UBAC2: variants seen among roughly 807,000 people sequenced by gnomAD.
UBAC2 encodes ubiquitin-associated domain-containing protein 2.
In UBAC2, 26 loss-of-function variants were observed where a neutral mutation model predicts 44.0. The observed-to-expected ratio is 0.59, with a 90% CI of 0.43 to 0.82. UBAC2 has a LOEUF of 0.82. Ranked by LOEUF, UBAC2 falls within the 40% of genes least tolerant of loss-of-function variation. The pLI, the probability that UBAC2 is intolerant of heterozygous loss-of-function variation, is 0.00. For synonymous variants in UBAC2, 155 were observed against 154.3 expected, an observed-to-expected ratio of 1.00 and a Z score of -0.04; for missense variants, 329 against 419.4, an observed-to-expected ratio of 0.78 and a Z score of 1.88.
At chr13:99,284,934 T>A (rs2043999019) in intron 4 of UBAC2, among the ~76,000 whole-genome samples, 1 of 152,122 alleles carries the variant, frequency 6.6e-6, no homozygotes, top group South Asian at 2.1e-4. Context: ...AAAATTTCAG[T>A]GACACAAGCA....
Position 99,244,566 on chromosome 13 carries a change from A to G in UBAC2, c.331A>G (p.Ile111Val). Residue 111 changes from isoleucine (I) to valine (V), a missense_variant, in exon 4 of 9, where the codon ATT (isoleucine) becomes GTT (valine). Physicochemically the swap from Ile to Val is conservative, Grantham distance 29. Coordinates refer to ENST00000403766, the MANE Select transcript of UBAC2 (RefSeq NM_001144072.2). ...VLSALFDFLL[I>V]EAMQYFFGIT... is the part of the protein sequence containing the mutation. ...GTCAGCCTTATTTGACTTTCTCCTC[A>G]TTGAAGCTATGCAGTATTTCTTTGG... 6.2e-7 allele frequency: 1 copy of G among 1,613,290 alleles called. No homozygotes were observed. The highest frequency in any genetic ancestry group is 8.5e-7 in the Non-Finnish European group (1 of 1,179,558).
intron 4 of UBAC2, among the ~76,000 whole-genome samples, chr13:99,310,208 T>TC (rs1371018282): frequency 6.6e-6 from 1 of 152,124 alleles, no homozygotes; most frequent in African/African-American, 2.4e-5. Context: ...ACACCAGTAG[T>TC]CCCTGTTACT....
chr13:99,359,769 C>T (rs2045239622), intron 7 of UBAC2, among the ~76,000 whole-genome samples: 2 of 152,198 alleles, frequency 1.3e-5, no homozygotes, highest in Non-Finnish European at 2.9e-5. Flanking sequence ...CTTGTGTGGG[C>T]CCTGCCTCGC....
intron 1 of UBAC2, 189 bp downstream of exon 1, chr13:99,201,128 A>C (rs2042790789): frequency 7.4e-7 from 1 of 1,351,864 alleles, no homozygotes; most frequent in African/African-American, 1.5e-5. Context: ...TTCGGCCTGG[A>C]GGGGCGAATG....
intron 7 of UBAC2, among the ~76,000 whole-genome samples, chr13:99,346,464 CT>C (rs1566513887): frequency 6.6e-6 from 1 of 152,248 alleles, no homozygotes; most frequent in Non-Finnish European, 1.5e-5. Flanking sequence ...GCCGCATCTC[CT>C]TTCTGCTGCC....
intron 1 of UBAC2, chr13:99,231,406 ATTTTTTTTTTTT>A (rs34600991): frequency 2.8e-5 from 2 of 71,956 alleles, no homozygotes; most frequent in Non-Finnish European, 5.1e-5. Flanking sequence ...TGCTGTATAC[ATTTTTTTTTTTT>A]TTTTTTTTTT....
intron 4 of UBAC2, among the ~76,000 whole-genome samples, chr13:99,247,190 CTACTG>C (rs1429079899): frequency 8.9e-6 from 1 of 112,946 alleles, no homozygotes; most frequent in African/African-American, 3.6e-5. Context: ...AGAGAGAAAA[CTACTG>C]TTTTTTTTTT....
At chr13:99,280,876 C>T (rs1361081960) in intron 4 of UBAC2, among the ~76,000 whole-genome samples, 1 of 151,466 alleles carries the variant, frequency 6.6e-6, no homozygotes, top group Non-Finnish European at 1.5e-5. Flanking sequence ...TAAGCTACCT[C>T]AAATCTGTTA....
At chr13:99,333,613 A>T (rs1339921856) in intron 6 of UBAC2, among the ~76,000 whole-genome samples, 1 of 152,264 alleles carries the variant, frequency 6.6e-6, no homozygotes, top group Admixed American at 6.5e-5. Context: ...TAGATGGGAT[A>T]GAAATGTAAG....
chr13:99,243,035 C>G (rs1446443510), intron 2 of UBAC2, among the ~76,000 whole-genome samples: 6 of 151,904 alleles, frequency 3.9e-5, no homozygotes, highest in Non-Finnish European at 7.4e-5. Flanking sequence ...GACTGGGCAG[C>G]CAGCAAAATT....
Position 99,243,113 on chromosome 13 carries a change from C to G in UBAC2, c.160-719C>G, listed in dbSNP as rs2043339096. On this transcript the variant is annotated intron_variant, in intron 2 of 8. Coordinates refer to ENST00000403766, the MANE Select transcript of UBAC2 (RefSeq NM_001144072.2). ...AAGTTGGAATTAATATTTGTTTTAC[C>G]TATCTCATAAGGTCATTGTGAAGGG... 1.3e-5 allele frequency among the ~76,000 whole-genome samples: 2 copies of G among 151,972 alleles called. 1 individual carries two copies. The highest frequency in any genetic ancestry group is 4.2e-4 in the South Asian group (2 of 4,816).
rs11551502 is a variant in UBAC2, at chr13:99,386,139, G to A, written c.*804G>A. The A allele has an allele frequency of 0.011, 1,748 of 152,380 alleles. 13 individuals are homozygous for A. Among genetic ancestry groups the A allele is most frequent in the Non-Finnish European group, 0.019 (1,263 of 68,078 alleles). The allele number at this position is 152,380 out of a possible 1,614,324, so 9.4% of individuals were successfully genotyped here. A position where few individuals can be genotyped will look rare whatever the true frequency, so the allele number is the denominator to read the frequency against. On this transcript the variant is annotated 3_prime_UTR_variant, in exon 9 of 9. Coordinates refer to ENST00000403766, the MANE Select transcript of UBAC2 (RefSeq NM_001144072.2). ...CTTGCCTGCCCCTCCCTGTGGCAGG[G>A]CTAACTGCCTGGCCCTCCTGGCTCG...
chr13:99,321,475 C>CT (rs2044568037), intron 6 of UBAC2, among the ~76,000 whole-genome samples: 1 of 152,098 alleles, frequency 6.6e-6, no homozygotes, highest in Admixed American at 6.5e-5. Context: ...AGCCCGGCTA[C>CT]TTTTTTTGTA....
At chr13:99,236,794 G>A (rs762182992) in intron 1 of UBAC2, among the ~76,000 whole-genome samples, 49 of 152,094 alleles carry the variant, frequency 3.2e-4, no homozygotes, top group Non-Finnish European at 8.8e-5. Flanking sequence ...AGGTTGCAGT[G>A]AGCCGAGATG....
chr13:99,286,505 T>A (rs2044020480), intron 4 of UBAC2, among the ~76,000 whole-genome samples: 1 of 152,140 alleles, frequency 6.6e-6, no homozygotes, highest in Admixed American at 6.6e-5. Flanking sequence ...ATTTTTAATT[T>A]TTTTCCCACT....
chr13:99,380,417 T>C (rs377650908), intron 8 of UBAC2, among the ~76,000 whole-genome samples: 1 of 152,274 alleles, frequency 6.6e-6, no homozygotes, highest in African/African-American at 2.4e-5. Context: ...GCCACAGCAG[T>C]AATTGTTAGT....
intron 4 of UBAC2, among the ~76,000 whole-genome samples, chr13:99,299,664 C>A (rs1385563847): frequency 2.0e-5 from 3 of 151,890 alleles, no homozygotes; most frequent in Non-Finnish European, 2.9e-5. Context: ...CTTGTAAAAA[C>A]CTTGTTATCT....
At chr13:99,378,226 A>G (rs942535625) in intron 8 of UBAC2, among the ~76,000 whole-genome samples, 1 of 152,194 alleles carries the variant, frequency 6.6e-6, no homozygotes, top group Non-Finnish European at 1.5e-5. Context: ...CCTTATCGAT[A>G]TTAAAAACTT....
chr13:99,249,267 C>T (rs2043427910), intron 4 of UBAC2, among the ~76,000 whole-genome samples: 1 of 152,050 alleles, frequency 6.6e-6, no homozygotes, highest in Admixed American at 6.6e-5. Flanking sequence ...GTTTAGCTCC[C>T]ACTTTTAAGT....
Sources: gnomAD v4.1 joint callset for allele counts (sites outside exome capture counted in the v4.1 genomes callset) on GRCh38, gnomAD v4.1.1 for gene constraint, MANE v1.5 for transcripts, NCBI Gene and HGNC (gene_info 2026-07-23, HGNC 2026-07-21) for gene names.